LRFN5: variants seen among roughly 807,000 people sequenced by gnomAD.
The protein encoded by LRFN5 is leucine rich repeat and fibronectin type III domain containing 5, also known as leucine-rich repeat and fibronectin type-III domain-containing protein 5.
LRFN5 carries 24 observed loss-of-function variants against 45.6 expected under a neutral mutation model. The ratio of observed to expected loss-of-function variants is 0.53; its 90% CI spans 0.38 to 0.74. The LOEUF (loss-of-function observed/expected upper bound fraction) is 0.74. Among genes scored for constraint, LRFN5 ranks in the 30% least tolerant of loss-of-function variants. The pLI, the probability that LRFN5 is intolerant of heterozygous loss-of-function variation, is 0.00. For missense variants in LRFN5, 776 were observed against 861.5 expected (o/e 0.90, Z 1.24); for synonymous variants, 340 against 313.8 (o/e 1.08, Z -0.88).
At chr14:41,796,124 A>G (rs1470618314) in intron 2 of LRFN5, among the ~76,000 whole-genome samples, 3 of 151,992 alleles carry the variant, frequency 2.0e-5, no homozygotes, top group Non-Finnish European at 4.4e-5. Flanking sequence ...TTTAAACACA[A>G]AATGTTCTTT....
At chr14:41,757,877 T>A (rs1885479846) in intron 1 of LRFN5, among the ~76,000 whole-genome samples, 1 of 152,134 alleles carries the variant, frequency 6.6e-6, no homozygotes, top group Admixed American at 6.5e-5. Context: ...CTGGACCTGT[T>A]CCTATTCGGC....
At chr14:41,747,524 C>T (rs1215431736) in intron 1 of LRFN5, among the ~76,000 whole-genome samples, 1 of 151,944 alleles carries the variant, frequency 6.6e-6, no homozygotes, top group Non-Finnish European at 1.5e-5. Context: ...AAAAATTAAA[C>T]TGGATTAAAG....
At chr14:41,720,565 A>G (rs1364461874) in intron 1 of LRFN5, among the ~76,000 whole-genome samples, 1 of 151,992 alleles carries the variant, frequency 6.6e-6, no homozygotes, top group Admixed American at 6.6e-5. Flanking sequence ...TATCTCCTAT[A>G]TTTTGGTTTG....
chr14:41,881,378 T>C (rs758919064), intron 2 of LRFN5, among the ~76,000 whole-genome samples: 4 of 151,930 alleles, frequency 2.6e-5, no homozygotes, highest in Non-Finnish European at 5.9e-5. Context: ...TCTTTTGACC[T>C]TAATTATGAT....
At chr14:41,799,164 G>A (rs1319464820) in intron 2 of LRFN5, among the ~76,000 whole-genome samples, 2 of 151,984 alleles carry the variant, frequency 1.3e-5, no homozygotes, top group Non-Finnish European at 2.9e-5. Flanking sequence ...ACGGGTAAGT[G>A]CATAAATTGC....
chr14:41,755,148 G>A (rs991636710), intron 1 of LRFN5, among the ~76,000 whole-genome samples: 1 of 152,104 alleles, frequency 6.6e-6, no homozygotes, highest in East Asian at 1.9e-4. Context: ...TATAATTTCT[G>A]TTCTTTTACA....
intron 2 of LRFN5, among the ~76,000 whole-genome samples, chr14:41,795,252 G>T (rs986376945): frequency 6.6e-6 from 1 of 152,018 alleles, no homozygotes; most frequent in African/African-American, 2.4e-5. Flanking sequence ...AGTTAGAATG[G>T]CGATCATTAA....
At chr14:41,900,813 C>G (rs1482136530) in intron 5 of LRFN5, among the ~76,000 whole-genome samples, 2 of 152,092 alleles carry the variant, frequency 1.3e-5, no homozygotes, top group African/African-American at 2.4e-5. Flanking sequence ...AGTGATGCCC[C>G]TACTGAAGAC....
chr14:41,838,489 T>G (rs1000322587), intron 2 of LRFN5, among the ~76,000 whole-genome samples: 1 of 152,196 alleles, frequency 6.6e-6, no homozygotes, highest in African/African-American at 2.4e-5. Context: ...TTTCTGCATT[T>G]AGAGCTATGA....
intron 1 of LRFN5, among the ~76,000 whole-genome samples, chr14:41,736,509 G>A (rs12437111): frequency 0.17 from 25,236 of 151,970 alleles, 2,196 homozygotes; most frequent in Admixed American, 0.19. Flanking sequence ...TTTGTCAGAT[G>A]GATAGATTGC....
chr14:41,815,816 A>G (rs2139001422), intron 2 of LRFN5, among the ~76,000 whole-genome samples: 1 of 152,204 alleles, frequency 6.6e-6, no homozygotes, highest in African/African-American at 2.4e-5. Context: ...GACAACACGT[A>G]ATTGGATCTT....
chr14:41,703,654 T>C (rs1882929303), intron 1 of LRFN5, among the ~76,000 whole-genome samples: 2 of 152,134 alleles, frequency 1.3e-5, no homozygotes, highest in Non-Finnish European at 2.9e-5. Flanking sequence ...TAACTATTTA[T>C]AAATAATTGC....
intron 2 of LRFN5, among the ~76,000 whole-genome samples, chr14:41,825,282 G>T (rs527874720): frequency 8.6e-4 from 131 of 152,286 alleles, no homozygotes; most frequent in African/African-American, 3.0e-3. Flanking sequence ...ACCCTAGAGG[G>T]TTGGGAGGGG....
chr14:41,871,271 T>C (rs1890010077), intron 2 of LRFN5, among the ~76,000 whole-genome samples: 1 of 152,034 alleles, frequency 6.6e-6, no homozygotes, highest in African/African-American at 2.4e-5. Context: ...TTTTGTGTAA[T>C]AACAAATAAC....
intron 1 of LRFN5, among the ~76,000 whole-genome samples, chr14:41,741,795 A>G (rs1374931917): frequency 1.3e-5 from 2 of 150,860 alleles, no homozygotes; most frequent in East Asian, 1.9e-4. Context: ...TAAACCATAC[A>G]TATGGTAAGG....
intron 2 of LRFN5, among the ~76,000 whole-genome samples, chr14:41,841,265 C>A (rs1383028511): frequency 1.3e-5 from 2 of 151,626 alleles, no homozygotes; most frequent in Non-Finnish European, 3.0e-5. Context: ...AATTAGAAAA[C>A]CTGAACATGA....
At chr14:41,662,859 T>C (rs986031641) in intron 1 of LRFN5, among the ~76,000 whole-genome samples, 69 of 152,130 alleles carry the variant, frequency 4.5e-4, no homozygotes, top group Admixed American at 4.5e-3. Context: ...CTGCATCCAT[T>C]GATCCCAGTT....
At position 41,887,062 on chromosome 14, in the gene LRFN5, T is replaced by C; in HGVS notation, c.437T>C (p.Val146Ala). ...ATTTCCTCTACAGCGTTTGATGATGTCTTCGCCCTTGAGGAGCTGGATCTG... is the reference window on the plus strand; with the variant it reads ...ATTTCCTCTACAGCGTTTGATGATGCCTTCGCCCTTGAGGAGCTGGATCTG... Reference protein sequence around the residue: ...TLISSTAFDDVFALEELDLSY... With the variant: ...TLISSTAFDDAFALEELDLSY... Residue 146 changes from valine to alanine, a missense_variant, in exon 3 of 6, where the codon GTC (valine) becomes GCC (alanine). Val to Ala is a moderately conservative substitution (Grantham distance 64). This residue lies in a region of LRFN5 where 311 missense variants were observed against 405.1 expected (regional missense o/e 0.77). Transcript: ENST00000298119. The surrounding 1 kb of genome is among the most constrained non-coding windows in gnomAD (Gnocchi z 4.8). The C allele has an allele frequency of 6.2e-7, 1 of 1,614,114 alleles. No homozygotes were observed. Among genetic ancestry groups the C allele is most frequent in the Non-Finnish European group, 8.5e-7 (1 of 1,180,036 alleles).
chr14:41,818,117 A>G (rs983927807), intron 2 of LRFN5, among the ~76,000 whole-genome samples: 8 of 151,924 alleles, frequency 5.3e-5, no homozygotes, highest in African/African-American at 1.9e-4. Context: ...CTTATTTTCT[A>G]TTTCAAAAAA....
Sources: allele counts gnomAD v4.1 joint callset (sites outside exome capture counted in the v4.1 genomes callset), GRCh38; gene constraint gnomAD v4.1.1; regional missense constraint gnomAD v4.1.1; non-coding constraint Gnocchi (gnomAD v3.1); transcripts MANE v1.5; gene names NCBI Gene and HGNC (gene_info 2026-07-23, HGNC 2026-07-21).